NR2C2: variants seen among roughly 807,000 people sequenced by gnomAD.
NR2C2 encodes nuclear receptor subfamily 2 group C member 2.
NR2C2 carries 6 observed loss-of-function variants against 62.9 expected under a neutral mutation model. That is an observed-to-expected ratio of 0.10 (90% CI 0.05 to 0.19). The LOEUF (loss-of-function observed/expected upper bound fraction) is 0.19. Among genes scored for constraint, NR2C2 ranks in the 10% least tolerant of loss-of-function variants. The probability of loss-of-function intolerance (pLI) is 1.00; values close to 1 mark genes in which losing one functional copy is unlikely to be tolerated. For synonymous variants in NR2C2, 272 were observed against 273.8 expected, an observed-to-expected ratio of 0.99 and a Z score of 0.07; for missense variants, 479 against 762.7, an observed-to-expected ratio of 0.63 and a Z score of 4.38.
At chr3:15,004,698 T>A in intron 2 of NR2C2, 1 of 1,498,714 alleles carries the variant, frequency 6.7e-7, no homozygotes, top group African/African-American at 1.4e-5. Flanking sequence ...CTCAACAAGC[T>A]GAATCAAAAA....
intron 7 of NR2C2, 29 bp downstream of exon 7, chr3:15,024,237 A>C (rs2041759372): frequency 6.7e-7 from 1 of 1,484,460 alleles, no homozygotes; most frequent in Non-Finnish European, 9.3e-7. Flanking sequence ...GCTCTCTCTC[A>C]TCCTTTATGT....
chr3:14,959,653 A>C (rs185882097), intron 1 of NR2C2: 57 of 152,290 alleles, frequency 3.7e-4, no homozygotes, highest in Admixed American at 3.5e-3. Flanking sequence ...TAAGAATTCA[A>C]GTGTATAAAG....
chr3:15,020,415 G>A (rs952890364), intron 4 of NR2C2, among the ~76,000 whole-genome samples: 4 of 152,246 alleles, frequency 2.6e-5, no homozygotes, highest in Non-Finnish European at 4.4e-5. Flanking sequence ...TGTTCAAGTG[G>A]ACAGTAGAGT....
intron 1 of NR2C2, among the ~76,000 whole-genome samples, chr3:14,992,619 G>C (rs1291171260): frequency 6.6e-6 from 1 of 152,180 alleles, no homozygotes; most frequent in Admixed American, 6.5e-5. Flanking sequence ...ACCCAGAGGA[G>C]GGCATTTGTA....
chr3:15,012,776 T>C (rs1047818731), intron 2 of NR2C2, among the ~76,000 whole-genome samples: 16 of 152,330 alleles, frequency 1.1e-4, no homozygotes, highest in Admixed American at 3.3e-4. Context: ...GAGAACTTCA[T>C]GAGCAAGAAT....
At chr3:14,976,162 G>T (rs951515174) in intron 1 of NR2C2, among the ~76,000 whole-genome samples, 1 of 152,148 alleles carries the variant, frequency 6.6e-6, no homozygotes, top group African/African-American at 2.4e-5. Flanking sequence ...CAGTGTGTCA[G>T]TGTGTAATTG....
At chr3:14,980,317 TAAA>T (rs748246980) in intron 1 of NR2C2, among the ~76,000 whole-genome samples, 1 of 136,268 alleles carries the variant, frequency 7.3e-6, no homozygotes, top group African/African-American at 2.7e-5. Context: ...CCCAGCTAAT[TAAA>T]AAAAAAAAAA....
At chr3:14,995,588 T>G (rs1487551476) in intron 1 of NR2C2, among the ~76,000 whole-genome samples, 1 of 152,178 alleles carries the variant, frequency 6.6e-6, no homozygotes, top group African/African-American at 2.4e-5. Context: ...TTAATGGACT[T>G]GGGCGTTTTT....
chr3:15,048,444 A>G lies in NR2C2; in HGVS notation c.*5436A>G, dbSNP rs1008180912. ...TAAGAAAAGTATCTTTGCGGGGAGA[A>G]AAATGTCAGATATTTTTAATGCCCA... On this transcript the variant is annotated 3_prime_UTR_variant, in exon 14 of 14. Transcript: ENST00000425241. 2.0e-5 allele frequency: 3 copies of G among 152,642 alleles called. No homozygotes were observed. The highest frequency in any genetic ancestry group is 4.4e-5 in the Non-Finnish European group (3 of 68,046). 9.5% of individuals were successfully genotyped at this position (152,642 alleles called of 1,614,324 possible). A position where few individuals can be genotyped will look rare whatever the true frequency, so the allele number is the denominator to read the frequency against.
chr3:15,032,713 C>T (rs1177738046), intron 10 of NR2C2, among the ~76,000 whole-genome samples: 1 of 152,150 alleles, frequency 6.6e-6, no homozygotes, highest in African/African-American at 2.4e-5. Flanking sequence ...ATGGAGCCTC[C>T]TAGATACACC....
intron 2 of NR2C2, among the ~76,000 whole-genome samples, chr3:15,005,047 C>T (rs574365464): frequency 6.6e-6 from 1 of 151,654 alleles, no homozygotes; most frequent in South Asian, 2.1e-4. Flanking sequence ...GCCACCATGC[C>T]CAGCCACCCC....
intron 1 of NR2C2, among the ~76,000 whole-genome samples, chr3:14,967,668 A>G (rs1025197962): frequency 6.6e-6 from 1 of 152,192 alleles, no homozygotes; most frequent in Non-Finnish European, 1.5e-5. Context: ...TTTGCTTTTC[A>G]TATATTAAAG....
chr3:15,029,939 AAG>A (rs775842740), intron 8 of NR2C2, among the ~76,000 whole-genome samples: 32 of 152,030 alleles, frequency 2.1e-4, no homozygotes, highest in Admixed American at 3.9e-4. Flanking sequence ...AAGGAAGGAA[AAG>A]AGAGAAAGAA....
rs939449132 is a variant in NR2C2, at chr3:14,970,216, T to C, written c.-40+22310T>C. Among the ~76,000 whole-genome samples the C allele has an allele frequency of 2.1e-5, 3 of 140,082 alleles. No individual in the cohort carries two copies. The Admixed American group carries it at 2.2e-4, about 10-fold the overall frequency. The allele number at this position is 140,082 out of a possible 152,430, so 91.9% of individuals were successfully genotyped here. A position where few individuals can be genotyped will look rare whatever the true frequency, so the allele number is the denominator to read the frequency against. On this transcript the variant is annotated intron_variant, in intron 1 of 13. Coordinates refer to ENST00000425241, the MANE Select transcript of NR2C2 (RefSeq NM_001291694.2). Reference sequence around the variant, plus strand: ...TTTAAAAAATGTCCTTACCCCACTATTTCTAATTCTTGATTTATCGGGCTT... The same window carrying C: ...TTTAAAAAATGTCCTTACCCCACTACTTCTAATTCTTGATTTATCGGGCTT...
In NR2C2 at chr3:15,032,598, T is replaced by C. The variant is rs2042008072; in HGVS notation, c.1232+98T>C. The C allele has an allele frequency of 1.1e-5, 16 of 1,445,282 alleles. No homozygotes were observed. The East Asian group carries it at 3.0e-4, about 27-fold the overall frequency. 89.5% of individuals were successfully genotyped at this position (1,445,282 alleles called of 1,614,324 possible). A position where few individuals can be genotyped will look rare whatever the true frequency, so the allele number is the denominator to read the frequency against. ...TCTGAGGGCCTGTCTAGTTTGACTGTTTCTATGACCTCATTCAAAGGACCC... is the reference window on the plus strand; with the variant it reads ...TCTGAGGGCCTGTCTAGTTTGACTGCTTCTATGACCTCATTCAAAGGACCC... On this transcript the variant is annotated intron_variant, in intron 10 of 13. Coordinates refer to ENST00000425241, the MANE Select transcript of NR2C2 (RefSeq NM_001291694.2).
intron 1 of NR2C2, among the ~76,000 whole-genome samples, chr3:14,995,745 G>A (rs2040815092): frequency 6.6e-6 from 1 of 151,634 alleles, no homozygotes; most frequent in African/African-American, 2.4e-5. Flanking sequence ...AAACTTTTGA[G>A]GAACTGCCAG....
At chr3:14,972,530 A>G (rs1165991729) in intron 1 of NR2C2, among the ~76,000 whole-genome samples, 1 of 152,190 alleles carries the variant, frequency 6.6e-6, no homozygotes, top group Admixed American at 6.5e-5. Flanking sequence ...ATGTCTATTC[A>G]AGTACTTTCC....
intron 2 of NR2C2, among the ~76,000 whole-genome samples, chr3:15,012,574 T>C (rs2041386969): frequency 6.6e-6 from 1 of 152,088 alleles, no homozygotes; most frequent in Admixed American, 6.6e-5. Context: ...TGCCCATAAG[T>C]GTACTGTGCT....
intron 1 of NR2C2, among the ~76,000 whole-genome samples, chr3:15,002,580 C>T (rs1182996934): frequency 2.0e-5 from 3 of 148,936 alleles, no homozygotes; most frequent in Non-Finnish European, 4.4e-5. Flanking sequence ...ATATTGGCCT[C>T]ACAGAATTGG....
Sources: allele counts gnomAD v4.1 joint callset (sites outside exome capture counted in the v4.1 genomes callset), GRCh38; gene constraint gnomAD v4.1.1; transcripts MANE v1.5; gene names NCBI Gene and HGNC (gene_info 2026-07-23, HGNC 2026-07-21).